The following ARNT variants were observed in gnomAD, a reference collection of about 807,000 sequenced individuals.
ARNT encodes the protein aryl hydrocarbon receptor nuclear translocator, also known as class E basic helix-loop-helix protein 2.
ARNT carries 30 observed loss-of-function variants against 105.0 expected under a neutral mutation model. That is an observed-to-expected ratio of 0.29 (90% CI 0.21 to 0.39). ARNT has a LOEUF of 0.39. Among genes scored for constraint, ARNT ranks in the 10% least tolerant of loss-of-function variants. The pLI, the probability that ARNT is intolerant of heterozygous loss-of-function variation, is 1.00. For synonymous variants in ARNT, 304 were observed against 344.0 expected, an observed-to-expected ratio of 0.88 and a Z score of 1.29; for missense variants, 748 against 978.7, an observed-to-expected ratio of 0.76 and a Z score of 3.15.
chr1:150,834,741 C>T (rs1275693706), intron 7 of ARNT, 101 bp from the exon 8 acceptor site: 1 of 951,286 alleles, frequency 1.1e-6, no homozygotes, highest in African/African-American at 1.6e-5. Context: ...CTATTCATGC[C>T]CTTAATCTCC....
chr1:150,835,439 C>T (rs1470260763), intron 7 of ARNT, among the ~76,000 whole-genome samples: 4 of 151,902 alleles, frequency 2.6e-5, no homozygotes, highest in African/African-American at 4.8e-5. Context: ...CCTGTCTCTA[C>T]AAAAAATTTA....
chr1:150,821,824 T>G (rs1218899164), intron 14 of ARNT, among the ~76,000 whole-genome samples: 1 of 124,752 alleles, frequency 8.0e-6, no homozygotes, highest in Non-Finnish European at 1.7e-5. Context: ...AATTTTTGTA[T>G]TTTCTTTTTT....
rs1476688278 is a variant in ARNT, at chr1:150,813,220, A to G, written c.2232T>C (p.His744=). 6 of 1,613,698 alleles carry G rather than the reference A, an allele frequency of 3.7e-6. No homozygotes were observed. The South Asian group carries it at 6.6e-5, about 18-fold the overall frequency. The stretch of plus-strand genomic sequence containing the variant: ...GTTGCTGTGCTGGCGGTTGTTGAAC[A>G]TGTTGCTCACTAGAACTTGAACGAT... ...PHHRSSSSEQ[H]VQQPPAQQPG... Residue 744 remains histidine, a synonymous_variant, in exon 21 of 22, where the codon CAT becomes CAC. Transcript: ENST00000358595.
rs1661435468 is a variant in ARNT, at chr1:150,842,344, G to A, written c.272+80C>T. The A allele has an allele frequency of 1.9e-6, 3 of 1,548,746 alleles. No homozygotes were observed. In the South Asian group the frequency reaches 3.7e-5, roughly 19 times the overall value. On this transcript the variant is annotated intron_variant, in intron 5 of 21. Coordinates refer to ENST00000358595, the MANE Select transcript of ARNT (RefSeq NM_001668.4). ...TAAGGAAAAATACAAAGAGAAAGGG[G>A]AAGAAAAGAAAGAGTAAGAAAAAGG...
intron 10 of ARNT, among the ~76,000 whole-genome samples, chr1:150,830,780 C>T (rs924210404): frequency 6.6e-6 from 1 of 152,172 alleles, no homozygotes; most frequent in South Asian, 2.1e-4. Flanking sequence ...CTGCATTTCT[C>T]CCCTGTTTTT....
At position 150,839,494 on chromosome 1, in the gene ARNT, T is replaced by A; in HGVS notation, c.433A>T (p.Thr145Ser). 2 of 1,614,222 alleles carry A rather than the reference T, an allele frequency of 1.2e-6. No homozygotes were observed. Among genetic ancestry groups the A allele is most frequent in the Non-Finnish European group, 1.7e-6 (2 of 1,180,032 alleles). ...AVSHMKSLRG[T>S]GNTSTDGSYK... ...GAGCCATCAGTGGATGTGTTGCCAG[T>A]TCCCCGCAAGGACTTCATGTGAGAA... Residue 145 changes from threonine to serine, a missense_variant, in exon 6 of 22, where the codon ACT becomes TCT. Transcript: ENST00000358595.
chr1:150,869,544 CT>C (rs869055633), intron 1 of ARNT, among the ~76,000 whole-genome samples: 2,125 of 140,980 alleles, frequency 0.015, 16 homozygotes, highest in South Asian at 0.024. Flanking sequence ...GAAACTACTC[CT>C]TTTTTTTTTT....
chr1:150,834,627 A>G lies in ARNT; in HGVS notation c.714T>C (p.Asp238=), dbSNP rs1322822877. ...SENALTGRIL[D]LKTGTVKKEG... ...CCTTTTTCACTGTTCCAGTCTTTAG[A>G]TCCAGGATACGCCCTGAAGGAAGAT... Residue 238 remains aspartate (D), a synonymous_variant, in exon 8 of 22, where the codon GAT becomes GAC. Transcript: ENST00000358595. 3.1e-6 allele frequency: 5 copies of G among 1,613,950 alleles called. No individual in the cohort carries two copies. Among genetic ancestry groups the G allele is most frequent in the Non-Finnish European group, 4.2e-6 (5 of 1,179,910 alleles).
intron 5 of ARNT, among the ~76,000 whole-genome samples, chr1:150,840,839 G>A (rs2039590): frequency 0.42 from 63,277 of 151,924 alleles, 15,124 homozygotes; most frequent in Non-Finnish European, 0.54. Flanking sequence ...ATTTTTAAAA[G>A]CCCATTAAGT....
At chr1:150,819,723 A>AATT (rs1320292304) in intron 14 of ARNT, among the ~76,000 whole-genome samples, 1 of 152,246 alleles carries the variant, frequency 6.6e-6, no homozygotes, top group Non-Finnish European at 1.5e-5. Context: ...AGAATAGACA[A>AATT]ATTTATAAAG....
chr1:150,826,892 C>G (rs971578347), intron 12 of ARNT, among the ~76,000 whole-genome samples: 1 of 151,914 alleles, frequency 6.6e-6, no homozygotes, highest in Non-Finnish European at 1.5e-5. Flanking sequence ...AGTGATCCAC[C>G]CGCCTCGGCC....
In ARNT at chr1:150,836,371, T is replaced by C. The variant is rs747788454; in HGVS notation, c.609A>G (p.Glu203=). 6.2e-7 allele frequency: 1 copy of C among 1,614,058 alleles called. No homozygotes were observed. Among genetic ancestry groups the C allele is most frequent in the Non-Finnish European group, 8.5e-7 (1 of 1,179,998 alleles). ...VTPVLNQPQS[E]WFGSTLYDQV... is the part of the protein sequence containing the mutation. ...GATCATAGAGTGTGCTGCCAAACCA[T>C]TCAGACTGTGGCTGGTTCAAAACAG... The change falls in exon 7 of 22, where the codon GAA becomes GAG. Residue 203 remains glutamate (E), a synonymous_variant. Coordinates refer to ENST00000358595, the MANE Select transcript of ARNT (RefSeq NM_001668.4).
chr1:150,826,550 A>G lies in ARNT; in HGVS notation c.1235T>C (p.Phe412Ser). 1.2e-6 allele frequency: 2 copies of G among 1,612,608 alleles called. No individual in the cohort carries two copies. The highest frequency in any genetic ancestry group is 1.7e-6 in the Non-Finnish European group (2 of 1,178,868). Residue 412 changes from phenylalanine to serine, a missense_variant, in exon 13 of 22, where the codon TTC (phenylalanine) becomes TCC (serine). By Grantham distance (155) the Phe-to-Ser change is radical. Transcript: ENST00000358595. ...PEDQQLLRDS[F>S]QQVVKLKGQV... ...AACCAGGAAAAAAGTTACCTGTTGG[A>G]AGCTGTCTCTTAGAAGCTGCTGGTC...
intron 15 of ARNT, 101 bp downstream of exon 15, chr1:150,817,813 CAAAAAA>C (rs35672926): frequency 4.4e-6 from 3 of 685,160 alleles, no homozygotes; most frequent in South Asian, 4.5e-5. Context: ...AACTCCTTCT[CAAAAAA>C]AAAAAAAAAA....
At chr1:150,826,417 T>C (rs1292800559) in intron 13 of ARNT, 126 bp downstream of exon 13, 1 of 706,556 alleles carries the variant, frequency 1.4e-6, no homozygotes, top group Non-Finnish European at 2.4e-6. Context: ...TCCTTAAAAA[T>C]GCAGATTAAC....
chr1:150,873,510 T>C (rs587627434), intron 1 of ARNT, among the ~76,000 whole-genome samples: 1 of 152,068 alleles, frequency 6.6e-6, no homozygotes, highest in Admixed American at 6.5e-5. Flanking sequence ...CCAACCATAT[T>C]TTACTCTTCT....
At position 150,868,667 on chromosome 1, in the gene ARNT, C is replaced by G. The variant is rs1044877190; in HGVS notation, c.25+7876G>C. 3.3e-5 allele frequency among the ~76,000 whole-genome samples: 5 copies of G among 150,136 alleles called. No homozygotes were observed. In the East Asian group the frequency reaches 9.9e-4, roughly 30 times the overall value. Reference sequence around the variant, plus strand: ...CTGTAATCCCAGCACTTTGGGAGGCCGAGGTGGGCAGATCACGAGGTCAGG... The same window carrying G: ...CTGTAATCCCAGCACTTTGGGAGGCGGAGGTGGGCAGATCACGAGGTCAGG... On this transcript the variant is annotated intron_variant, in intron 1 of 21. Transcript: ENST00000358595.
Position 150,823,212 on chromosome 1 carries a change from C to T in ARNT, c.1376G>A (p.Cys459Tyr). The T allele has an allele frequency of 6.2e-7, 1 of 1,611,346 alleles. No homozygotes were observed. Among genetic ancestry groups the T allele is most frequent in the Non-Finnish European group, 8.5e-7 (1 of 1,178,256 alleles). Residue 459 changes from cysteine to tyrosine, a missense_variant, in exon 14 of 22, where the codon TGT becomes TAT. By Grantham distance (194) the Cys-to-Tyr change is radical. Transcript: ENST00000358595. Reference protein sequence around the residue: ...PYSDEIEYIICTNTNVKNSSQ... With the variant: ...PYSDEIEYIIYTNTNVKNSSQ... ...TACATACTTCACATTGGTGTTGGTA[C>T]AGATGATGTACTCAATTTCATCTGA... is the stretch of plus-strand genomic sequence containing the variant.
chr1:150,829,309 T>C (rs1340127662), intron 11 of ARNT, 82 bp from the exon 12 acceptor site: 3 of 1,418,588 alleles, frequency 2.1e-6, no homozygotes, highest in East Asian at 2.3e-5. Context: ...GTCTTTTGCA[T>C]AGACATAAGA....
Sources: allele counts gnomAD v4.1 joint callset (sites outside exome capture counted in the v4.1 genomes callset), GRCh38; gene constraint gnomAD v4.1.1; transcripts MANE v1.5; gene names NCBI Gene and HGNC (gene_info 2026-07-23, HGNC 2026-07-21).